ARFIP1: variants seen among roughly 807,000 people sequenced by gnomAD.
The protein encoded by ARFIP1 is ARF interacting protein 1.
Under a neutral mutation model 42.5 loss-of-function variants are expected in ARFIP1, and 24 were observed. That is an observed-to-expected ratio of 0.57 (90% CI 0.41 to 0.80). The LOEUF is 0.80. Ranked by LOEUF, ARFIP1 falls within the 30% of genes least tolerant of loss-of-function variation. ARFIP1 has a pLI of 0.00. For synonymous variants in ARFIP1, 141 were observed against 153.7 expected, an observed-to-expected ratio of 0.92 and a Z score of 0.61; for missense variants, 354 against 434.0, an observed-to-expected ratio of 0.82 and a Z score of 1.64.
At chr4:152,897,787 C>T (rs1579035683) in intron 8 of ARFIP1, among the ~76,000 whole-genome samples, 1 of 152,210 alleles carries the variant, frequency 6.6e-6, no homozygotes, top group South Asian at 2.1e-4. Flanking sequence ...GATACTTGAA[C>T]AGATCACTAA....
chr4:152,795,810 G>A (rs1731412256), intron 1 of ARFIP1, among the ~76,000 whole-genome samples: 1 of 59,386 alleles, frequency 1.7e-5, no homozygotes, highest in South Asian at 5.0e-4. Flanking sequence ...GTTACTTGAG[G>A]GCCCTTGTAA....
intron 8 of ARFIP1, among the ~76,000 whole-genome samples, chr4:152,889,909 T>C (rs1736693427): frequency 7.3e-6 from 1 of 137,484 alleles, no homozygotes; most frequent in Admixed American, 8.0e-5. Flanking sequence ...ATATATATAC[T>C]AATATATAGT....
At chr4:152,868,165 AAAC>A (rs1166688939) in intron 3 of ARFIP1, among the ~76,000 whole-genome samples, 1 of 152,234 alleles carries the variant, frequency 6.6e-6, no homozygotes, top group Non-Finnish European at 1.5e-5. Context: ...TTCAGCTTAA[AAAC>A]AACAAATATT....
chr4:152,834,505 ATTT>A (rs386680819), intron 2 of ARFIP1, among the ~76,000 whole-genome samples: 104 of 152,304 alleles, frequency 6.8e-4, no homozygotes, highest in African/African-American at 2.4e-3. Context: ...AAAAGGGAGA[ATTT>A]GGCCAAAAGA....
intron 5 of ARFIP1, among the ~76,000 whole-genome samples, chr4:152,876,568 G>A (rs1464323191): frequency 1.3e-5 from 2 of 152,234 alleles, no homozygotes; most frequent in Admixed American, 6.5e-5. Flanking sequence ...CTGACTATGC[G>A]ATAGAAAAGA....
chr4:152,875,955 C>T (rs571786228), intron 5 of ARFIP1, among the ~76,000 whole-genome samples: 5 of 152,122 alleles, frequency 3.3e-5, no homozygotes, highest in Admixed American at 2.6e-4. Flanking sequence ...GCTTCTTTCT[C>T]ATTTTCTCTT....
At chr4:152,841,000 G>A (rs971463273) in intron 2 of ARFIP1, among the ~76,000 whole-genome samples, 1 of 151,444 alleles carries the variant, frequency 6.6e-6, no homozygotes, top group Admixed American at 6.6e-5. Flanking sequence ...GATTATAGTC[G>A]TGAGCCACTG....
chr4:152,876,512 A>C (rs1735344324), intron 5 of ARFIP1, among the ~76,000 whole-genome samples: 1 of 152,234 alleles, frequency 6.6e-6, no homozygotes, highest in Admixed American at 6.5e-5. Flanking sequence ...AAAGGCATTC[A>C]GTTTTATAAG....
intron 1 of ARFIP1, among the ~76,000 whole-genome samples, chr4:152,829,395 A>G (rs756761293): frequency 3.3e-5 from 5 of 152,156 alleles, no homozygotes; most frequent in Non-Finnish European, 7.3e-5. Context: ...TGCCTCTGGT[A>G]CCTACAACAA....
chr4:152,834,894 G>A (rs1459740216), intron 2 of ARFIP1, among the ~76,000 whole-genome samples: 1 of 152,198 alleles, frequency 6.6e-6, no homozygotes, highest in Non-Finnish European at 1.5e-5. Flanking sequence ...CCACATGGAA[G>A]CTGCCAAGAC....
At chr4:152,796,780 TA>T (rs1346958190) in intron 1 of ARFIP1, 15 of 715,556 alleles carry the variant, frequency 2.1e-5, no homozygotes, top group Non-Finnish European at 7.7e-6. Flanking sequence ...TCTCTCATGG[TA>T]ATCCAAATGG....
chr4:152,911,416 G>A lies in ARFIP1; in HGVS notation c.*1197G>A, dbSNP rs894958572. ...TGGGACAGTGTGGTGGTACCAGGAAGAAAGAGGATTGGAAAGGCCAGTACT... is the reference window on the plus strand; with the variant it reads ...TGGGACAGTGTGGTGGTACCAGGAAAAAAGAGGATTGGAAAGGCCAGTACT... On this transcript the variant is annotated 3_prime_UTR_variant, in exon 9 of 9. Coordinates refer to ENST00000353617, the MANE Select transcript of ARFIP1 (RefSeq NM_001025595.3). 2 of 152,360 alleles carry A rather than the reference G, an allele frequency of 1.3e-5. No individual in the cohort carries two copies. The highest frequency in any genetic ancestry group is 1.3e-4 in the Admixed American group (2 of 15,278). The allele number at this position is 152,360 out of a possible 1,614,324, so 9.4% of individuals were successfully genotyped here.
intron 3 of ARFIP1, among the ~76,000 whole-genome samples, chr4:152,870,313 A>G (rs1734771625): frequency 6.6e-6 from 1 of 152,228 alleles, no homozygotes; most frequent in Non-Finnish European, 1.5e-5. Context: ...GAGATATGAG[A>G]GCATGTTTTA....
At chr4:152,844,237 TC>T (rs748256364) in intron 2 of ARFIP1, among the ~76,000 whole-genome samples, 1 of 152,210 alleles carries the variant, frequency 6.6e-6, no homozygotes, top group Non-Finnish European at 1.5e-5. Flanking sequence ...CTTTCCCACT[TC>T]CGTAGTTGGG....
At chr4:152,804,086 T>TAA (rs1455318907) in intron 1 of ARFIP1, among the ~76,000 whole-genome samples, 7 of 90,750 alleles carry the variant, frequency 7.7e-5, no homozygotes, top group Admixed American at 1.3e-4. Flanking sequence ...ATATATAATA[T>TAA]AACGTAATAT....
chr4:152,866,862 C>T (rs571988452), intron 3 of ARFIP1, among the ~76,000 whole-genome samples: 7 of 149,908 alleles, frequency 4.7e-5, no homozygotes, highest in East Asian at 2.0e-4. Flanking sequence ...CCAGACGGGG[C>T]GGCGGGGCAG....
intron 8 of ARFIP1, among the ~76,000 whole-genome samples, chr4:152,891,334 T>C (rs1216187493): frequency 6.6e-6 from 1 of 152,252 alleles, no homozygotes. Context: ...AAGTAAAATC[T>C]ATAAAGAAAC....
chr4:152,908,438 C>T (rs1738550787), intron 8 of ARFIP1, among the ~76,000 whole-genome samples: 3 of 152,134 alleles, frequency 2.0e-5, no homozygotes, highest in Admixed American at 1.3e-4. Flanking sequence ...GGTGAAACCC[C>T]GTCTCTACTA....
intron 1 of ARFIP1, among the ~76,000 whole-genome samples, chr4:152,795,515 A>G (rs1008685634): frequency 6.6e-6 from 1 of 152,166 alleles, no homozygotes; most frequent in Admixed American, 6.5e-5. Flanking sequence ...TTGTCTTTGT[A>G]TATTTGGAGG....
Sources: gnomAD v4.1 joint callset for allele counts (sites outside exome capture counted in the v4.1 genomes callset) on GRCh38, gnomAD v4.1.1 for gene constraint, MANE v1.5 for transcripts, NCBI Gene and HGNC (gene_info 2026-07-23, HGNC 2026-07-21) for gene names.